The following TAB2 variants were observed in gnomAD, a reference collection of about 807,000 sequenced individuals.
The protein encoded by TAB2 is TGF-beta-activated kinase 1 and MAP3K7-binding protein 2.
TAB2 carries 3 observed loss-of-function variants against 65.0 expected under a neutral mutation model. That is an observed-to-expected ratio of 0.05 (90% CI 0.02 to 0.12). TAB2 has a LOEUF of 0.12. TAB2 is among the 10% of genes least tolerant of loss of function. The probability of loss-of-function intolerance (pLI) is 1.00; values close to 1 mark genes in which losing one functional copy is unlikely to be tolerated. For missense variants in TAB2, 623 were observed against 840.3 expected (o/e 0.74, Z 3.20); for synonymous variants, 298 against 285.1 (o/e 1.05, Z -0.46).
chr6:149,317,955 G>C lies in TAB2; in HGVS notation c.-150G>C, dbSNP rs1024015775. On this transcript the variant is annotated 5_prime_UTR_variant, in exon 1 of 7. Coordinates refer to ENST00000637181, the MANE Select transcript of TAB2 (RefSeq NM_001292034.3). This position sits in a 1 kb window ranked among gnomAD's most constrained non-coding sequence, Gnocchi z 4.7. ...GGCGACGGTGGAGACGGCTGCCCTA[G>C]TGGGAGAGGCGGCGGCGGCGGCGGC... 7.1e-6 allele frequency: 1 copy of C among 140,264 alleles called. No individual in the cohort carries two copies. The allele number at this position is 140,264 out of a possible 1,614,324, so 8.7% of individuals were successfully genotyped here.
chr6:149,349,649 G>A (rs1268703682), intron 1 of TAB2, among the ~76,000 whole-genome samples: 1 of 152,070 alleles, frequency 6.6e-6, no homozygotes, highest in African/African-American at 2.4e-5. Context: ...TTGACTTAAT[G>A]TTCAAATTGT....
intron 1 of TAB2, among the ~76,000 whole-genome samples, chr6:149,262,018 C>A (rs1778161877): frequency 6.6e-6 from 1 of 152,180 alleles, no homozygotes; most frequent in African/African-American, 2.4e-5. Context: ...TCAAGCTCAG[C>A]AAAATCCCTA....
intron 2 of TAB2, among the ~76,000 whole-genome samples, chr6:149,372,183 C>A (rs9377209): frequency 0.13 from 18,481 of 147,284 alleles, 1,721 homozygotes; most frequent in East Asian, 0.52. Context: ...AAAATATTTT[C>A]AAAAAAAAAA....
At chr6:149,404,252 G>A (rs948169558) in intron 6 of TAB2, among the ~76,000 whole-genome samples, 2 of 152,068 alleles carry the variant, frequency 1.3e-5, no homozygotes, top group Non-Finnish European at 2.9e-5. Context: ...TTAGGAATAC[G>A]CTGAAAATTA....
intron 1 of TAB2, among the ~76,000 whole-genome samples, chr6:149,253,427 C>G (rs902050457): frequency 1.3e-5 from 2 of 151,746 alleles, no homozygotes; most frequent in Non-Finnish European, 2.9e-5. Flanking sequence ...TTGAGACCAG[C>G]CTGGCCAACA....
At chr6:149,353,900 A>T (rs1204483247) in intron 1 of TAB2, among the ~76,000 whole-genome samples, 2 of 152,172 alleles carry the variant, frequency 1.3e-5, no homozygotes, top group African/African-American at 4.8e-5. Context: ...GTGTGTGTAT[A>T]CATATGTAAA....
intron 3 of TAB2, among the ~76,000 whole-genome samples, chr6:149,388,545 C>G (rs1036210464): frequency 1.3e-5 from 2 of 152,154 alleles, no homozygotes; most frequent in African/African-American, 4.8e-5. Flanking sequence ...ATATTCTTTC[C>G]TCCTTCCTTT....
chr6:149,393,430 A>C (rs918396542), intron 3 of TAB2, among the ~76,000 whole-genome samples: 3 of 152,234 alleles, frequency 2.0e-5, no homozygotes, highest in African/African-American at 7.2e-5. Flanking sequence ...AGGATGCAAT[A>C]CTTATTCAGA....
chr6:149,328,119 TAACCA>T (rs1779672080), intron 1 of TAB2, among the ~76,000 whole-genome samples: 1 of 152,214 alleles, frequency 6.6e-6, no homozygotes, highest in South Asian at 2.1e-4. Flanking sequence ...GTGGTCATCT[TAACCA>T]AACCAAGCTA....
chr6:149,299,313 C>T (rs139578508), intron 1 of TAB2, among the ~76,000 whole-genome samples: 5,946 of 152,178 alleles, frequency 0.039, 401 homozygotes, highest in African/African-American at 0.14. Context: ...GGCTCACGCC[C>T]GTAATCCCAG....
intron 1 of TAB2, among the ~76,000 whole-genome samples, chr6:149,249,972 A>G (rs964466585): frequency 2.6e-5 from 4 of 152,188 alleles, no homozygotes; most frequent in African/African-American, 9.7e-5. Context: ...TGTGGTGAAG[A>G]GCTAACATAT....
chr6:149,380,428 G>C (rs1193915440), intron 3 of TAB2, among the ~76,000 whole-genome samples: 1 of 151,842 alleles, frequency 6.6e-6, no homozygotes, highest in Non-Finnish European at 1.5e-5. Context: ...GAATTATAAG[G>C]ACATTATTTT....
At chr6:149,360,216 C>T (rs1486488067) in intron 1 of TAB2, among the ~76,000 whole-genome samples, 1 of 151,670 alleles carries the variant, frequency 6.6e-6, no homozygotes, top group Non-Finnish European at 1.5e-5. Context: ...TTATGTTAGC[C>T]TGTGTTAGTT....
At chr6:149,300,243 TA>T (rs1562405220) in intron 1 of TAB2, among the ~76,000 whole-genome samples, 1 of 152,198 alleles carries the variant, frequency 6.6e-6, no homozygotes, top group Non-Finnish European at 1.5e-5. Context: ...ATTCTGATTT[TA>T]AAAAATTTTA....
chr6:149,262,749 A>G (rs917614813), intron 1 of TAB2, among the ~76,000 whole-genome samples: 27 of 152,112 alleles, frequency 1.8e-4, no homozygotes, highest in Admixed American at 3.9e-4. Context: ...ATTAAATCCA[A>G]GAGAAACTTA....
At chr6:149,364,923 C>T (rs1780991092) in intron 1 of TAB2, among the ~76,000 whole-genome samples, 2 of 151,810 alleles carry the variant, frequency 1.3e-5, no homozygotes, top group South Asian at 2.1e-4. Context: ...TAGTACTCTT[C>T]ACTGTAATAG....
At chr6:149,297,910 T>A (rs1374920745) in intron 1 of TAB2, among the ~76,000 whole-genome samples, 1 of 152,218 alleles carries the variant, frequency 6.6e-6, no homozygotes, top group Non-Finnish European at 1.5e-5. Context: ...ATATTTCTGC[T>A]TAGTATTTTT....
At chr6:149,229,888 A>G (rs925266008) in intron 1 of TAB2, 1 of 152,218 alleles carries the variant, frequency 6.6e-6, no homozygotes, top group African/African-American at 2.4e-5. Context: ...TGGTCATGTT[A>G]TTATTTGGAT....
At chr6:149,302,048 T>C (rs1490510254) in intron 1 of TAB2, among the ~76,000 whole-genome samples, 12 of 152,198 alleles carry the variant, frequency 7.9e-5, no homozygotes, top group African/African-American at 2.9e-4. Flanking sequence ...TATCATTGTA[T>C]ATGTTAAAAA....
Sources: allele counts gnomAD v4.1 joint callset (sites outside exome capture counted in the v4.1 genomes callset), GRCh38; gene constraint gnomAD v4.1.1; non-coding constraint Gnocchi (gnomAD v3.1); transcripts MANE v1.5; gene names NCBI Gene and HGNC (gene_info 2026-07-23, HGNC 2026-07-21).